The following PKP4 variants were observed in gnomAD, a reference collection of about 807,000 sequenced individuals.
PKP4 encodes the protein plakophilin 4.
In PKP4, 90 loss-of-function variants were observed where a neutral mutation model predicts 145.1. The observed-to-expected ratio is 0.62, with a 90% CI of 0.52 to 0.74. PKP4 has a LOEUF of 0.74. Among genes scored for constraint, PKP4 ranks in the 30% least tolerant of loss-of-function variants. The pLI is 0.00. For synonymous variants in PKP4, 563 were observed against 577.2 expected, an observed-to-expected ratio of 0.98 and a Z score of 0.35; for missense variants, 1,340 against 1,482.7, an observed-to-expected ratio of 0.90 and a Z score of 1.58.
At chr2:158,523,993 T>A (rs200836245) in intron 1 of PKP4, among the ~76,000 whole-genome samples, 1,159 of 40,390 alleles carry the variant, frequency 0.029, 11 homozygotes, top group Middle Eastern at 0.082. Flanking sequence ...GAAAAGACCA[T>A]ATCTACGTCT....
chr2:158,681,258 A>G lies in PKP4; in HGVS notation c.*581A>G, dbSNP rs1333861881. 6.5e-6 allele frequency: 1 copy of G among 153,318 alleles called. No homozygotes were observed. The highest frequency in any genetic ancestry group is 6.5e-5 in the Admixed American group (1 of 15,362). The allele number at this position is 153,318 out of a possible 1,614,324, so 9.5% of individuals were successfully genotyped here. ...AGCCCAAGGAACTGTGAGCAATTAA[A>G]AGCAAACCGCGACACCCTTTGTCTC... On this transcript the variant is annotated 3_prime_UTR_variant, in exon 22 of 22. Transcript: ENST00000389759.
chr2:158,674,149 A>G (rs1245074686), intron 19 of PKP4, 149 bp downstream of exon 19: 10 of 694,056 alleles, frequency 1.4e-5, no homozygotes, highest in Non-Finnish European at 2.4e-5. Context: ...ATCACACACC[A>G]TTATAAACCA....
intron 8 of PKP4, among the ~76,000 whole-genome samples, chr2:158,633,516 G>A (rs2053564362): frequency 6.6e-6 from 1 of 152,210 alleles, no homozygotes; most frequent in Non-Finnish European, 1.5e-5. Context: ...ACTCAGAATG[G>A]TGTGCAATTT....
Position 158,569,424 on chromosome 2 carries a change from C to T in PKP4, c.133-7847C>T, listed in dbSNP as rs538657329. Among the ~76,000 whole-genome samples the T allele has an allele frequency of 1.1e-4, 16 of 152,266 alleles. No homozygotes were observed. The East Asian group carries it at 1.4e-3, about 13-fold the overall frequency. On this transcript the variant is annotated intron_variant, in intron 2 of 21. Coordinates refer to ENST00000389759, the MANE Select transcript of PKP4 (RefSeq NM_003628.6). Reference sequence around the variant, plus strand: ...AGGCAATGGGCATAGCATAGGGCAACGAATCCCACAGAGCTGTCCTAATAA... The same window carrying T: ...AGGCAATGGGCATAGCATAGGGCAATGAATCCCACAGAGCTGTCCTAATAA...
chr2:158,484,621 C>T (rs1457785610), intron 1 of PKP4, among the ~76,000 whole-genome samples: 1 of 152,196 alleles, frequency 6.6e-6, no homozygotes, highest in Admixed American at 6.5e-5. Context: ...CAAAGAGGGC[C>T]TTACCTAAGA....
At chr2:158,648,924 A>G (rs537341651) in intron 11 of PKP4, among the ~76,000 whole-genome samples, 3 of 152,206 alleles carry the variant, frequency 2.0e-5, no homozygotes, top group Non-Finnish European at 4.4e-5. Flanking sequence ...CTTGAGCCTG[A>G]AAGGCGGATG....
chr2:158,615,574 C>A (rs2051524851), intron 4 of PKP4, among the ~76,000 whole-genome samples: 1 of 151,874 alleles, frequency 6.6e-6, no homozygotes, highest in East Asian at 1.9e-4. Context: ...GTGGAAATTT[C>A]TCTTCAGTTT....
intron 1 of PKP4, among the ~76,000 whole-genome samples, chr2:158,459,303 G>C (rs1378971664): frequency 6.6e-6 from 1 of 152,204 alleles, no homozygotes; most frequent in Non-Finnish European, 1.5e-5. Flanking sequence ...TTGCTTTGCA[G>C]GTTGCATTTA....
chr2:158,483,262 A>G (rs1477169399), intron 1 of PKP4, among the ~76,000 whole-genome samples: 1 of 151,572 alleles, frequency 6.6e-6, no homozygotes, highest in African/African-American at 2.4e-5. Context: ...TTGTTAATGC[A>G]TTTTATTCAA....
chr2:158,627,664 T>C (rs944506293), intron 7 of PKP4, among the ~76,000 whole-genome samples: 2 of 150,874 alleles, frequency 1.3e-5, no homozygotes, highest in African/African-American at 4.8e-5. Flanking sequence ...TATATATATA[T>C]ACTCTAAAAT....
intron 1 of PKP4, among the ~76,000 whole-genome samples, chr2:158,523,053 G>A (rs1434870003): frequency 6.6e-6 from 1 of 152,144 alleles, no homozygotes; most frequent in Admixed American, 6.5e-5. Flanking sequence ...GAGGCTGGGG[G>A]AGGGGCGCCC....
intron 4 of PKP4, among the ~76,000 whole-genome samples, chr2:158,614,865 A>G (rs944815480): frequency 1.3e-5 from 2 of 152,106 alleles, no homozygotes; most frequent in African/African-American, 4.8e-5. Context: ...TTCTTTTTCT[A>G]TTACCACCTC....
chr2:158,530,360 C>A (rs927908923), intron 1 of PKP4, among the ~76,000 whole-genome samples: 6 of 152,048 alleles, frequency 3.9e-5, no homozygotes, highest in African/African-American at 1.2e-4. Context: ...TCTGTAGAAC[C>A]CTCAAAAATG....
chr2:158,680,308 T>A, intron 21 of PKP4, 121 bp from the exon 22 acceptor site: 1 of 775,060 alleles, frequency 1.3e-6, no homozygotes, highest in Non-Finnish European at 2.0e-6. Context: ...CTTTTAACCT[T>A]AAACTGCAAA....
At chr2:158,516,286 C>T (rs1006315710) in intron 1 of PKP4, among the ~76,000 whole-genome samples, 2 of 151,392 alleles carry the variant, frequency 1.3e-5, no homozygotes, top group Non-Finnish European at 2.9e-5. Context: ...TTCCAAAGTG[C>T]AGCCTGCACA....
chr2:158,556,083 A>G (rs1574464670), intron 2 of PKP4, among the ~76,000 whole-genome samples: 1 of 152,244 alleles, frequency 6.6e-6, no homozygotes, highest in Admixed American at 6.5e-5. Flanking sequence ...ATAAAGGGCA[A>G]TGTCTTATTT....
intron 1 of PKP4, among the ~76,000 whole-genome samples, chr2:158,458,685 T>A (rs1047308365): frequency 4.6e-5 from 7 of 152,202 alleles, no homozygotes; most frequent in Non-Finnish European, 1.5e-5. Flanking sequence ...CACTTTGGTA[T>A]CCTAAGAAGT....
chr2:158,627,355 AT>A (rs2052899374), intron 7 of PKP4, among the ~76,000 whole-genome samples: 1 of 152,096 alleles, frequency 6.6e-6, no homozygotes, highest in Non-Finnish European at 1.5e-5. Flanking sequence ...CATATAAATT[AT>A]TGTCTCCATA....
chr2:158,629,693 C>T (rs1277997403), intron 7 of PKP4, among the ~76,000 whole-genome samples: 1 of 145,892 alleles, frequency 6.9e-6, no homozygotes, highest in African/African-American at 2.5e-5. Context: ...ATTTGATTAA[C>T]TGAACTAACA....
Sources: allele counts gnomAD v4.1 joint callset (sites outside exome capture counted in the v4.1 genomes callset), GRCh38; gene constraint gnomAD v4.1.1; transcripts MANE v1.5; gene names NCBI Gene and HGNC (gene_info 2026-07-23, HGNC 2026-07-21).